Variants in PGPEP1L observed in about 807,000 individuals in gnomAD.
PGPEP1L encodes the protein pyroglutamyl-peptidase 1-like protein.
In PGPEP1L, 7 loss-of-function variants were observed where a neutral mutation model predicts 6.0. The observed-to-expected ratio is 1.17, with a 90% confidence interval of 0.66 to 2.19. The LOEUF (loss-of-function observed/expected upper bound fraction) is 2.19. Among genes scored for constraint, PGPEP1L ranks in the 30% most tolerant of loss-of-function variants. The pLI is 0.00. For synonymous variants in PGPEP1L, 103 were observed against 83.9 expected (o/e 1.23, Z -1.24); for missense variants, 209 against 192.5 (o/e 1.09, Z -0.51).
intron 2 of PGPEP1L, among the ~76,000 whole-genome samples, chr15:98,996,558 G>C (rs1329174601): frequency 2.0e-5 from 3 of 152,054 alleles, no homozygotes; most frequent in African/African-American, 7.2e-5. Flanking sequence ...ATATGTATAG[G>C]TATGGGTGTG....
chr15:98,979,633 C>CTTTTTTTTTTTTTTTTTTTTTTTT (rs568793204), intron 2 of PGPEP1L, among the ~76,000 whole-genome samples: 1 of 46,468 alleles, frequency 2.2e-5, no homozygotes, highest in Non-Finnish European at 4.7e-5. Context: ...GGAGACTATT[C>CTTTTTTTTTTTTTTTTTTTTTTTT]TTTTTTTTTT....
chr15:98,977,812 G>A (rs2017592281), intron 2 of PGPEP1L, among the ~76,000 whole-genome samples: 2 of 152,206 alleles, frequency 1.3e-5, no homozygotes, highest in Admixed American at 6.5e-5. Context: ...TCTCCTTAAA[G>A]TTCTATTAGT....
Position 98,969,416 on chromosome 15 carries a change from A to G in PGPEP1L, c.209+9T>C. ...ACCTGCTCAGAGTCCTGACACCCACAGAGCATACCTGCCTGCATCTCGGGA... is the reference window on the plus strand; with the variant it reads ...ACCTGCTCAGAGTCCTGACACCCACGGAGCATACCTGCCTGCATCTCGGGA... On this transcript the variant is annotated intron_variant, in intron 4 of 4. Coordinates refer to ENST00000535714, the MANE Select transcript of PGPEP1L (RefSeq NM_001167902.2). 2 of 1,613,898 alleles carry G rather than the reference A, an allele frequency of 1.2e-6. No individual in the cohort carries two copies. The highest frequency in any genetic ancestry group is 1.7e-6 in the Non-Finnish European group (2 of 1,179,830).
At chr15:98,996,691 G>A (rs148480940) in intron 2 of PGPEP1L, among the ~76,000 whole-genome samples, 70 of 152,182 alleles carry the variant, frequency 4.6e-4, no homozygotes, top group African/African-American at 1.6e-3. Context: ...GTATCCATGT[G>A]TGCACGCGTG....
intron 2 of PGPEP1L, among the ~76,000 whole-genome samples, chr15:99,002,098 A>G (rs1318627811): frequency 1.3e-5 from 2 of 151,952 alleles, no homozygotes; most frequent in African/African-American, 4.8e-5. Context: ...TGCAGCTTCC[A>G]TCTCCTGGGC....
Position 99,003,222 on chromosome 15 carries a change from TGA to T in PGPEP1L, c.-142+2205_-142+2206del, listed in dbSNP as rs2018000743. Among the ~76,000 whole-genome samples, 8 of 139,308 alleles carry T rather than the reference TGA, an allele frequency of 5.7e-5. No individual in the cohort carries two copies. In the South Asian group the frequency reaches 1.6e-3, roughly 27 times the overall value. The allele number at this position is 139,308 out of a possible 152,430, so 91.4% of individuals were successfully genotyped here. The stretch of plus-strand genomic sequence containing the variant: ...TGAGATTAAAAAAAAAAAAAAGCAC[TGA>T]GAAGCCAGGTACCTCCTGGGATAAT... On this transcript the variant is annotated intron_variant, in intron 2 of 4. Transcript: ENST00000535714.
chr15:98,991,301 GAAC>G (rs1567240821), intron 2 of PGPEP1L, among the ~76,000 whole-genome samples: 5 of 151,868 alleles, frequency 3.3e-5, no homozygotes, highest in African/African-American at 9.7e-5. Flanking sequence ...ACAGAAATAC[GAAC>G]TACCATCAGA....
intron 2 of PGPEP1L, among the ~76,000 whole-genome samples, chr15:98,986,469 G>T (rs1490629599): frequency 6.6e-6 from 1 of 152,258 alleles, no homozygotes; most frequent in Admixed American, 6.5e-5. Flanking sequence ...GATGTTTCAG[G>T]AGGGTAACGT....
intron 2 of PGPEP1L, among the ~76,000 whole-genome samples, chr15:99,000,966 C>T (rs2017959161): frequency 1.3e-5 from 2 of 152,126 alleles, no homozygotes; most frequent in South Asian, 4.1e-4. Context: ...CAAAGGTCTC[C>T]AGTTTCACTC....
In PGPEP1L at chr15:98,990,390, A is replaced by T. The variant is rs113807539; in HGVS notation, c.-142+15039T>A. ...AAGGGCATCACATAATGGTAAAGGGATCAATGCAACAAGAAGAGCTAACCA... is the reference window on the plus strand; with the variant it reads ...AAGGGCATCACATAATGGTAAAGGGTTCAATGCAACAAGAAGAGCTAACCA... On this transcript the variant is annotated intron_variant, in intron 2 of 4. Coordinates refer to ENST00000535714, the MANE Select transcript of PGPEP1L (RefSeq NM_001167902.2). Among the ~76,000 whole-genome samples the T allele has an allele frequency of 9.1e-3, 1,384 of 152,338 alleles. 25 individuals are homozygous for T. The highest frequency in any genetic ancestry group is 0.031 in the African/African-American group (1,302 of 41,576).
rs554771111 is a variant in PGPEP1L, at chr15:98,992,771, G to A, written c.-142+12658C>T. Among the ~76,000 whole-genome samples the A allele has an allele frequency of 8.4e-4, 128 of 152,198 alleles. 1 individual carries two copies. The highest frequency in any genetic ancestry group is 1.5e-3 in the Admixed American group (23 of 15,266). On this transcript the variant is annotated intron_variant, in intron 2 of 4. Transcript: ENST00000535714. ...GATATATAAACCAATGGAACAGAAC[G>A]GAGGCCTCAGAAATAACAGCACACA...
chr15:99,006,414 A>G (rs552837807), intron 1 of PGPEP1L, among the ~76,000 whole-genome samples: 1 of 152,380 alleles, frequency 6.6e-6, no homozygotes, highest in South Asian at 2.1e-4. Flanking sequence ...CTGGCTCTGC[A>G]GACAGTCCTC....
intron 2 of PGPEP1L, among the ~76,000 whole-genome samples, chr15:98,992,772 G>A (rs1555472183): frequency 6.6e-6 from 1 of 152,150 alleles, no homozygotes; most frequent in African/African-American, 2.4e-5. Flanking sequence ...GAACAGAACG[G>A]AGGCCTCAGA....
At chr15:98,970,946 C>A in intron 3 of PGPEP1L, 90 bp downstream of exon 3, 1 of 1,556,366 alleles carries the variant, frequency 6.4e-7, no homozygotes, top group South Asian at 1.2e-5. Flanking sequence ...TGCCCCTCAA[C>A]CATCAACCCT....
At chr15:98,999,424 G>A (rs1216489788) in intron 2 of PGPEP1L, among the ~76,000 whole-genome samples, 3 of 152,212 alleles carry the variant, frequency 2.0e-5, no homozygotes, top group African/African-American at 7.2e-5. Context: ...TAGAAAGACT[G>A]ATAACACCAA....
intron 2 of PGPEP1L, among the ~76,000 whole-genome samples, chr15:99,001,436 G>A (rs141547588): frequency 6.6e-6 from 1 of 152,122 alleles, no homozygotes; most frequent in Middle Eastern, 3.2e-3. Context: ...AAAGCTAAGG[G>A]GTGTGGGGTT....
At chr15:99,000,010 G>A (rs1317417078) in intron 2 of PGPEP1L, among the ~76,000 whole-genome samples, 1 of 152,260 alleles carries the variant, frequency 6.6e-6, no homozygotes, top group African/African-American at 2.4e-5. Context: ...GCAGGCCAAG[G>A]CCAGCGCCAG....
chr15:99,006,196 C>T (rs1441977278), intron 1 of PGPEP1L, among the ~76,000 whole-genome samples: 1 of 152,198 alleles, frequency 6.6e-6, no homozygotes, highest in African/African-American at 2.4e-5. Flanking sequence ...AGCACCGGAT[C>T]CTGTATGGAT....
At chr15:99,002,853 CAT>C (rs538409555) in intron 2 of PGPEP1L, among the ~76,000 whole-genome samples, 3 of 152,214 alleles carry the variant, frequency 2.0e-5, no homozygotes, top group South Asian at 4.1e-4. Context: ...ATTCCTGTGA[CAT>C]ATTTCTCAAG....
Sources: gnomAD v4.1 joint callset for allele counts (sites outside exome capture counted in the v4.1 genomes callset) on GRCh38, gnomAD v4.1.1 for gene constraint, MANE v1.5 for transcripts, NCBI Gene and HGNC (gene_info 2026-07-23, HGNC 2026-07-21) for gene names.